TNFAIP8: variants seen among roughly 807,000 people sequenced by gnomAD.
TNFAIP8 encodes the protein tumor necrosis factor alpha-induced protein 8.
Under a neutral mutation model 13.3 loss-of-function variants are expected in TNFAIP8, and 7 were observed. The observed-to-expected ratio is 0.52, with a 90% CI of 0.30 to 0.99. The LOEUF is 0.99. Among genes scored for constraint, TNFAIP8 ranks in the 50% least tolerant of loss-of-function variants. The probability of loss-of-function intolerance (pLI) is 0.07; values close to 1 mark genes in which losing one functional copy is unlikely to be tolerated. For missense variants in TNFAIP8, 258 were observed against 236.9 expected, an observed-to-expected ratio of 1.09 and a Z score of -0.58; for synonymous variants, 94 against 87.6, an observed-to-expected ratio of 1.07 and a Z score of -0.41.
chr5:119,271,354 A>G (rs1038931865), intron 1 of TNFAIP8, among the ~76,000 whole-genome samples: 2 of 152,200 alleles, frequency 1.3e-5, no homozygotes, highest in African/African-American at 2.4e-5. Context: ...CAGGCACTGC[A>G]GAGGTCTCAT....
rs1372466887 is a variant in TNFAIP8, at chr5:119,397,955, T to C, written c.*4574T>C. On this transcript the variant is annotated 3_prime_UTR_variant, in exon 2 of 2. Transcript: ENST00000504771. ...GTAGCAAAGAACATCAGCCCCACGT[T>C]ATAGGGAACAAGCGAGTCCCAAATC... is the stretch of plus-strand genomic sequence containing the variant. 1.3e-5 allele frequency: 2 copies of C among 152,246 alleles called. No homozygotes were observed. The highest frequency in any genetic ancestry group is 2.9e-5 in the Non-Finnish European group (2 of 68,042). The allele number at this position is 152,246 out of a possible 1,614,324, so 9.4% of individuals were successfully genotyped here.
At chr5:119,299,125 T>A (rs1308464239) in intron 1 of TNFAIP8, among the ~76,000 whole-genome samples, 1 of 152,260 alleles carries the variant, frequency 6.6e-6, no homozygotes, top group East Asian at 1.9e-4. Context: ...TCATTCTCCA[T>A]CCAGCTTTGT....
At chr5:119,297,013 C>G (rs1325366437) in intron 1 of TNFAIP8, among the ~76,000 whole-genome samples, 4 of 151,980 alleles carry the variant, frequency 2.6e-5, no homozygotes, top group Admixed American at 2.0e-4. Context: ...TGATTCTTCT[C>G]TCTTTTTTTC....
intron 1 of TNFAIP8, among the ~76,000 whole-genome samples, chr5:119,366,718 C>T (rs1396321957): frequency 6.6e-6 from 1 of 152,122 alleles, no homozygotes; most frequent in Non-Finnish European, 1.5e-5. Flanking sequence ...GGGTTTCCCT[C>T]ATTAACAAGT....
chr5:119,302,968 A>T (rs766444121), intron 1 of TNFAIP8, among the ~76,000 whole-genome samples: 20 of 152,164 alleles, frequency 1.3e-4, no homozygotes, highest in Admixed American at 7.2e-4. Context: ...TTCTGCCGTC[A>T]TTCATTTGAT....
chr5:119,322,860 C>T (rs570624932), intron 1 of TNFAIP8, among the ~76,000 whole-genome samples: 2 of 152,222 alleles, frequency 1.3e-5, no homozygotes, highest in African/African-American at 4.8e-5. Context: ...TGTCTAAGTT[C>T]TAGACCTGGG....
At chr5:119,351,681 C>G (rs1047470589), upstream of TNFAIP8, among the ~76,000 whole-genome samples, 2 of 152,258 alleles carry the variant, frequency 1.3e-5, no homozygotes, top group Admixed American at 6.5e-5. Flanking sequence ...AGAGCTTGAT[C>G]TTCTGCAAAA....
intron 1 of TNFAIP8, among the ~76,000 whole-genome samples, chr5:119,297,220 C>T (rs1046975465): frequency 6.6e-6 from 1 of 152,066 alleles, no homozygotes; most frequent in Non-Finnish European, 1.5e-5. Context: ...TTGGATCTTT[C>T]CTGCTTTCTC....
rs896321856 is a variant in TNFAIP8 at position 119,298,879 on chromosome 5, T to C, written c.1+29972T>C. 1.2e-4 allele frequency among the ~76,000 whole-genome samples: 18 copies of C among 152,256 alleles called. 1 individual carries two copies. The highest frequency in any genetic ancestry group is 2.9e-4 in the African/African-American group (12 of 41,464). ...ATTTCATCTTCCATCACTGATACCC[T>C]TTCTTCCAGTTGATCTCATCGGCTC... On this transcript the variant is annotated intron_variant, in intron 1 of 1. Transcript: ENST00000274456.
chr5:119,371,751 C>T (rs1239560755), intron 1 of TNFAIP8, among the ~76,000 whole-genome samples: 3 of 152,164 alleles, frequency 2.0e-5, no homozygotes, highest in South Asian at 2.1e-4. Flanking sequence ...ATCAGCGAGG[C>T]GTGGTGGCTC....
rs973813541 is a variant in TNFAIP8 at position 119,367,482 on chromosome 5, C to G, written c.31+11361C>G. Among the ~76,000 whole-genome samples, 12 of 152,260 alleles carry G rather than the reference C, an allele frequency of 7.9e-5. No homozygotes were observed. The East Asian group carries it at 1.7e-3, about 22-fold the overall frequency. On this transcript the variant is annotated intron_variant, in intron 1 of 1. Coordinates refer to ENST00000504771, the MANE Select transcript of TNFAIP8 (RefSeq NM_014350.4). ...CAAAAGTGTCTCAGAGTAATATTGT[C>G]TGTTGTTTCCTTTCTATTTTTTTAA...
In TNFAIP8 at chr5:119,399,541, T is replaced by G. The variant is rs1753148234; in HGVS notation, c.*6160T>G. ...CAGACTTCAGCAGCCTGAGAGAATT[T>G]TGTTCAATTCCAGTCTCCTTAAAAA... is the stretch of plus-strand genomic sequence containing the variant. On this transcript the variant is annotated 3_prime_UTR_variant, in exon 2 of 2. Coordinates refer to ENST00000504771, the MANE Select transcript of TNFAIP8 (RefSeq NM_014350.4). The G allele has an allele frequency of 6.6e-6, 1 of 152,196 alleles. No homozygotes were observed. Among genetic ancestry groups the G allele is most frequent in the Non-Finnish European group, 1.5e-5 (1 of 68,034 alleles). The allele number at this position is 152,196 out of a possible 1,614,324, so 9.4% of individuals were successfully genotyped here.
chr5:119,391,575 C>T, intron 1 of TNFAIP8: 1 of 557,548 alleles, frequency 1.8e-6, no homozygotes, highest in Non-Finnish European at 3.3e-6. Context: ...GCCTGGCCAA[C>T]ATGGTGAAAC....
At chr5:119,338,986 G>A (rs866372104) in intron 1 of TNFAIP8, among the ~76,000 whole-genome samples, 37 of 152,200 alleles carry the variant, frequency 2.4e-4, no homozygotes, top group Middle Eastern at 3.4e-3. Flanking sequence ...ATTTGAGGCT[G>A]CATTGAGCTA....
intron 1 of TNFAIP8, among the ~76,000 whole-genome samples, chr5:119,344,054 G>T (rs958406752): frequency 1.3e-5 from 2 of 152,212 alleles, no homozygotes; most frequent in African/African-American, 4.8e-5. Context: ...TGCTTTCTTT[G>T]AGAGTGAGAA....
At chr5:119,358,995 T>C (rs1276923866) in intron 1 of TNFAIP8, among the ~76,000 whole-genome samples, 1 of 152,172 alleles carries the variant, frequency 6.6e-6, no homozygotes, top group African/African-American at 2.4e-5. Context: ...CTTACTCTCA[T>C]GCCTCACCAG....
At chr5:119,345,457 A>T (rs1036669160) in intron 1 of TNFAIP8, among the ~76,000 whole-genome samples, 5 of 152,242 alleles carry the variant, frequency 3.3e-5, no homozygotes, top group African/African-American at 1.2e-4. Flanking sequence ...CAATCCAGGT[A>T]TCCATCTACA....
At chr5:119,387,288 G>A (rs1752718239) in intron 1 of TNFAIP8, among the ~76,000 whole-genome samples, 1 of 152,140 alleles carries the variant, frequency 6.6e-6, no homozygotes, top group Non-Finnish European at 1.5e-5. Context: ...GAGAGCTAAG[G>A]TTTTATATAT....
intron 1 of TNFAIP8, among the ~76,000 whole-genome samples, chr5:119,391,669 G>A (rs1166220871): frequency 6.6e-6 from 1 of 150,418 alleles, no homozygotes; most frequent in Admixed American, 6.7e-5. Flanking sequence ...TGAGTTGTGA[G>A]AATCACTTGA....
Sources: gnomAD v4.1 joint callset for allele counts (sites outside exome capture counted in the v4.1 genomes callset) on GRCh38, gnomAD v4.1.1 for gene constraint, MANE v1.5 for transcripts, NCBI Gene and HGNC (gene_info 2026-07-23, HGNC 2026-07-21) for gene names.